Variants in DSCAM observed in about 807,000 individuals in gnomAD.
DSCAM encodes DS cell adhesion molecule.
A neutral mutation model predicts 217.7 loss-of-function variants in DSCAM; 47 were observed. The observed-to-expected ratio is 0.22, with a 90% CI of 0.17 to 0.28. The LOEUF is 0.28. DSCAM is among the 10% of genes least tolerant of loss of function. DSCAM has a pLI of 1.00. For missense variants in DSCAM, 2,080 were observed against 2,618.3 expected, an observed-to-expected ratio of 0.79 and a Z score of 4.49; for synonymous variants, 1,056 against 1,015.3, an observed-to-expected ratio of 1.04 and a Z score of -0.76.
At chr21:40,375,327 T>G (rs1019123378) in intron 3 of DSCAM, among the ~76,000 whole-genome samples, 1 of 152,246 alleles carries the variant, frequency 6.6e-6, no homozygotes, top group African/African-American at 2.4e-5. Context: ...AGTGCCTTGA[T>G]GGAATCCCAC....
At chr21:40,128,695 CA>C (rs1376586694) in intron 19 of DSCAM, among the ~76,000 whole-genome samples, 2 of 87,440 alleles carry the variant, frequency 2.3e-5, no homozygotes, top group Non-Finnish European at 4.5e-5. Flanking sequence ...GCCTCATAAC[CA>C]AACAAAAAAA....
intron 3 of DSCAM, among the ~76,000 whole-genome samples, chr21:40,453,527 C>T (rs987459669): frequency 6.6e-6 from 1 of 152,304 alleles, no homozygotes; most frequent in Non-Finnish European, 1.5e-5. Context: ...TTACCCTCAA[C>T]GATTTTCCAG....
At chr21:40,390,994 T>C (rs1474460474) in intron 3 of DSCAM, among the ~76,000 whole-genome samples, 1 of 152,174 alleles carries the variant, frequency 6.6e-6, no homozygotes, top group Non-Finnish European at 1.5e-5. Flanking sequence ...AAGAAAACTG[T>C]ATCTATGGTT....
At chr21:40,808,893 G>A (rs970703423) in intron 1 of DSCAM, among the ~76,000 whole-genome samples, 3 of 152,096 alleles carry the variant, frequency 2.0e-5, no homozygotes, top group Admixed American at 6.5e-5. Context: ...TCTCTGCTTT[G>A]TTAGGTGACA....
chr21:40,315,891 T>C (rs2074191163), intron 8 of DSCAM, among the ~76,000 whole-genome samples: 1 of 151,964 alleles, frequency 6.6e-6, no homozygotes, highest in Admixed American at 6.6e-5. Context: ...AAGCCACAAT[T>C]GGCAAGCAAA....
chr21:40,189,799 C>G (rs2090935988), intron 11 of DSCAM, among the ~76,000 whole-genome samples: 1 of 152,142 alleles, frequency 6.6e-6, no homozygotes, highest in Non-Finnish European at 1.5e-5. Context: ...GGTCATGAGG[C>G]CTCCCCAGCC....
intron 11 of DSCAM, among the ~76,000 whole-genome samples, chr21:40,189,807 G>A (rs796313061): frequency 2.6e-5 from 4 of 152,266 alleles, no homozygotes; most frequent in African/African-American, 9.6e-5. Context: ...GGCCTCCCCA[G>A]CCACATGGAA....
intron 3 of DSCAM, among the ~76,000 whole-genome samples, chr21:40,414,639 A>G (rs761411449): frequency 2.0e-5 from 3 of 152,160 alleles, no homozygotes; most frequent in Admixed American, 6.5e-5. Context: ...TGTATTTCAG[A>G]TCCTAACAAT....
chr21:40,216,675 T>C (rs989701487), intron 11 of DSCAM, among the ~76,000 whole-genome samples: 3 of 152,228 alleles, frequency 2.0e-5, no homozygotes, highest in African/African-American at 4.8e-5. Flanking sequence ...TTGTTCATCA[T>C]AGAGCAGATT....
At chr21:40,692,179 C>T (rs1016193493) in intron 3 of DSCAM, among the ~76,000 whole-genome samples, 3 of 152,224 alleles carry the variant, frequency 2.0e-5, no homozygotes, top group African/African-American at 7.2e-5. Context: ...CGCGGACAGT[C>T]GCCTTTCCAG....
chr21:40,460,132 ATT>A (rs1347611283), intron 3 of DSCAM, among the ~76,000 whole-genome samples: 1 of 152,134 alleles, frequency 6.6e-6, no homozygotes, highest in African/African-American at 2.4e-5. Context: ...TGTTGGTGGC[ATT>A]GGGGAAAGGA....
Position 40,607,518 on chromosome 21 carries a change from G to A in DSCAM, c.508+85292C>T, listed in dbSNP as rs918604638. 7.3e-5 allele frequency among the ~76,000 whole-genome samples: 11 copies of A among 150,650 alleles called. No homozygotes were observed. In the South Asian group the frequency reaches 1.5e-3, roughly 20 times the overall value. On this transcript the variant is annotated intron_variant, in intron 3 of 32. Coordinates refer to ENST00000400454, the MANE Select transcript of DSCAM (RefSeq NM_001389.5). ...AAAAGAAGCATGATATGGTTTGGCT[G>A]TGTCCCCACCCAAATCTCATCGTGA...
At chr21:40,064,132 A>G (rs568267525) in intron 27 of DSCAM, among the ~76,000 whole-genome samples, 1 of 148,652 alleles carries the variant, frequency 6.7e-6, no homozygotes, top group Non-Finnish European at 1.5e-5. Flanking sequence ...ATATATATAT[A>G]TGTGCTTATA....
chr21:40,637,508 AATAT>A (rs1164662678), intron 3 of DSCAM, among the ~76,000 whole-genome samples: 1 of 25,688 alleles, frequency 3.9e-5, no homozygotes, highest in African/African-American at 1.7e-4. Flanking sequence ...AATATATATA[AATAT>A]ATAAATATAT....
intron 11 of DSCAM, among the ~76,000 whole-genome samples, chr21:40,210,537 A>G (rs377356201): frequency 2.0e-5 from 3 of 152,130 alleles, no homozygotes; most frequent in East Asian, 3.9e-4. Flanking sequence ...AGATGCCTTC[A>G]TCTTTTATTC....
intron 30 of DSCAM, among the ~76,000 whole-genome samples, chr21:40,051,064 A>G (rs1014041656): frequency 1.3e-5 from 2 of 152,202 alleles, no homozygotes; most frequent in African/African-American, 4.8e-5. Flanking sequence ...AATGCTTCCC[A>G]AGCTAGGATT....
At chr21:40,312,393 G>A in intron 8 of DSCAM, 34 bp from the exon 9 acceptor site, 1 of 1,602,412 alleles carries the variant, frequency 6.2e-7, no homozygotes, top group Non-Finnish European at 8.5e-7. Context: ...AACGAACTGT[G>A]CTTATTCTAC....
intron 15 of DSCAM, 93 bp downstream of exon 15, chr21:40,178,834 G>A (rs1299643475): frequency 3.3e-6 from 5 of 1,514,274 alleles, no homozygotes; most frequent in Non-Finnish European, 3.6e-6. Flanking sequence ...CGCCTAGCAC[G>A]GGCAAAGGTC....
chr21:40,839,546 C>G (rs1386551581), intron 1 of DSCAM, among the ~76,000 whole-genome samples: 1 of 152,138 alleles, frequency 6.6e-6, no homozygotes, highest in African/African-American at 2.4e-5. Context: ...CTTCCCAAGC[C>G]TAACATAGAC....
Sources: allele counts gnomAD v4.1 joint callset (sites outside exome capture counted in the v4.1 genomes callset), GRCh38; gene constraint gnomAD v4.1.1; transcripts MANE v1.5; gene names NCBI Gene and HGNC (gene_info 2026-07-23, HGNC 2026-07-21).